The following KDELR1 variants were observed in gnomAD, a reference collection of about 807,000 sequenced individuals.
KDELR1 encodes the protein ER lumen protein-retaining receptor 1.
In KDELR1, 16 loss-of-function variants were observed where a neutral mutation model predicts 25.5. The ratio of observed to expected loss-of-function variants is 0.63; its 90% confidence interval spans 0.43 to 0.95. The LOEUF (loss-of-function observed/expected upper bound fraction) is 0.95. Among genes scored for constraint, KDELR1 ranks in the 40% least tolerant of loss-of-function variants. KDELR1 has a pLI of 0.00. For synonymous variants in KDELR1, 121 were observed against 115.0 expected (o/e 1.05, Z -0.33); for missense variants, 159 against 265.2 (o/e 0.60, Z 2.78).
chr19:48,388,412 G>A (rs181844478), intron 3 of KDELR1, among the ~76,000 whole-genome samples: 8 of 152,276 alleles, frequency 5.3e-5, no homozygotes, highest in Non-Finnish European at 1.0e-4. Context: ...GGAGCCGGGC[G>A]CGGTGGCTCA....
chr19:48,394,716 A>G (rs1419778153), upstream of KDELR1, among the ~76,000 whole-genome samples: 1 of 152,172 alleles, frequency 6.6e-6, no homozygotes, highest in Non-Finnish European at 1.5e-5. The surrounding 1 kb of genome is among the most constrained non-coding windows in gnomAD (Gnocchi z 5.1). Flanking sequence ...TGGGGGAGAG[A>G]CAGGGCAGGA....
At chr19:48,397,185 G>A in the KDELR1 span, among the ~76,000 whole-genome samples, 10 of 152,072 alleles carry the variant, frequency 6.6e-5, no homozygotes, top group African/African-American at 2.2e-4. Context: ...TGAGGGGATG[G>A]GGACAGGACT....
intron 3 of KDELR1, among the ~76,000 whole-genome samples, chr19:48,386,271 C>G (rs1243657731): frequency 6.6e-6 from 1 of 151,826 alleles, no homozygotes; most frequent in Non-Finnish European, 1.5e-5. Flanking sequence ...CTCACCACCA[C>G]GCCCTGCTAA....
Position 48,389,597 on chromosome 19 carries a change from C to T in KDELR1, c.307G>A (p.Ala103Thr), listed in dbSNP as rs1970524397. Reference sequence around the variant, plus strand: ...TGATTGACCAGGAACGCCAGAATGGCTGTGGGAACGACCAGGAACTCCACT... The same window carrying T: ...TGATTGACCAGGAACGCCAGAATGGTTGTGGGAACGACCAGGAACTCCACT... ...FRVEFLVVPT[A>T]ILAFLVNHDF... Residue 103 changes from alanine to threonine, a missense_variant, in exon 3 of 5, where the codon GCC (alanine) becomes ACC (threonine). Coordinates refer to ENST00000330720, the MANE Select transcript of KDELR1 (RefSeq NM_006801.3). 1.2e-6 allele frequency: 2 copies of T among 1,614,116 alleles called. No homozygotes were observed. Among genetic ancestry groups the T allele is most frequent in the South Asian group, 1.1e-5 (1 of 91,086 alleles).
upstream of KDELR1, among the ~76,000 whole-genome samples, chr19:48,396,225 G>A (rs1294310660): frequency 4.6e-5 from 7 of 152,106 alleles, no homozygotes; most frequent in Non-Finnish European, 8.8e-5. Context: ...TGATCCCTGA[G>A]GGCGTGGGTT....
chr19:48,386,447 ATTTT>A (rs377642574), intron 3 of KDELR1, among the ~76,000 whole-genome samples: 1 of 111,476 alleles, frequency 9.0e-6, no homozygotes. Flanking sequence ...TGCTGTTTGA[ATTTT>A]TTTTTTTTTT....
At chr19:48,390,291 GC>G (rs36034010) in intron 2 of KDELR1, 132 bp downstream of exon 2, 98,363 of 605,250 alleles carry the variant, frequency 0.16, 10,249 homozygotes, top group East Asian at 0.31. Flanking sequence ...AAGAGTCCAG[GC>G]CCCCGGCCCC....
At chr19:48,397,373 C>T in the KDELR1 span, among the ~76,000 whole-genome samples, 5 of 152,068 alleles carry the variant, frequency 3.3e-5, no homozygotes, top group East Asian at 9.6e-4. Flanking sequence ...CCTCCTGCCA[C>T]TCGCCTTCCC....
At chr19:48,385,038 C>G (rs1014598075) in intron 3 of KDELR1, among the ~76,000 whole-genome samples, 2 of 152,098 alleles carry the variant, frequency 1.3e-5, no homozygotes, top group Non-Finnish European at 2.9e-5. Flanking sequence ...AGGTGCCCAC[C>G]ACCACACCCG....
chr19:48,384,067 G>T lies in KDELR1; in HGVS notation c.604+163C>A, dbSNP rs371466324. Among the ~76,000 whole-genome samples the T allele has an allele frequency of 7.2e-5, 11 of 152,160 alleles. No homozygotes were observed. Among genetic ancestry groups the T allele is most frequent in the Admixed American group, 6.5e-4 (10 of 15,270 alleles). ...AGCCCTTAGGGAGGCAGAGGCTAAC[G>T]GTCTGAATTCCTAGGAGGATGGTAG... On this transcript the variant is annotated intron_variant, in intron 4 of 4. Coordinates refer to ENST00000330720, the MANE Select transcript of KDELR1 (RefSeq NM_006801.3). The surrounding 1 kb of genome is among the most constrained non-coding windows in gnomAD (Gnocchi z 4.6).
intron 3 of KDELR1, among the ~76,000 whole-genome samples, chr19:48,385,799 A>C (rs1229590120): frequency 4.6e-5 from 7 of 152,234 alleles, no homozygotes; most frequent in Admixed American, 4.6e-4. Flanking sequence ...CATCCAAGGC[A>C]TCGCTCCTTA....
chr19:48,396,355 G>A (rs1265647282), upstream of KDELR1, among the ~76,000 whole-genome samples: 1 of 152,002 alleles, frequency 6.6e-6, no homozygotes, highest in Non-Finnish European at 1.5e-5. Context: ...GCCCCCGTGA[G>A]AAGGGTGGGG....
At chr19:48,392,687 G>C (rs776023514), upstream of KDELR1, among the ~76,000 whole-genome samples, 8 of 152,112 alleles carry the variant, frequency 5.3e-5, no homozygotes, top group Non-Finnish European at 1.0e-4. Flanking sequence ...CCTCACCCAG[G>C]AGGCTCAAGG....
intron 1 of KDELR1, 32 bp from the exon 2 acceptor site, chr19:48,390,556 AG>A: frequency 7.6e-7 from 1 of 1,322,016 alleles, no homozygotes; most frequent in Non-Finnish European, 1.1e-6. Flanking sequence ...AGAGAGAGAG[AG>A]AGAGACAGAG....
intron 3 of KDELR1, among the ~76,000 whole-genome samples, chr19:48,386,408 C>T (rs373988980): frequency 5.4e-4 from 81 of 150,854 alleles, no homozygotes; most frequent in Non-Finnish European, 9.7e-4. Flanking sequence ...TGAGCCACTG[C>T]GCCCAGTCTT....
rs1224660343 is a variant in KDELR1, at chr19:48,384,753, T to A, written c.352-271A>T. Among the ~76,000 whole-genome samples, 1 of 152,130 alleles carries A rather than the reference T, an allele frequency of 6.6e-6. No homozygotes were observed. Among genetic ancestry groups the A allele is most frequent in the Non-Finnish European group, 1.5e-5 (1 of 68,018 alleles). Reference sequence around the variant, plus strand: ...GGTAAGATACTCGCCCAAGACCATGTAGCCAGCAAGCAGCAGAGCAATGAT... The same window carrying A: ...GGTAAGATACTCGCCCAAGACCATGAAGCCAGCAAGCAGCAGAGCAATGAT... On this transcript the variant is annotated intron_variant, in intron 3 of 4. Coordinates refer to ENST00000330720, the MANE Select transcript of KDELR1 (RefSeq NM_006801.3). This position sits in a 1 kb window ranked among gnomAD's most constrained non-coding sequence, Gnocchi z 4.6.
At chr19:48,396,245 G>C (rs917797009), upstream of KDELR1, among the ~76,000 whole-genome samples, 1 of 152,090 alleles carries the variant, frequency 6.6e-6, no homozygotes, top group African/African-American at 2.4e-5. Context: ...TCTGGGGGTT[G>C]GGCCTTCAGA....
At chr19:48,394,578 C>T (rs1433882284), upstream of KDELR1, among the ~76,000 whole-genome samples, 9 of 87,656 alleles carry the variant, frequency 1.0e-4, no homozygotes, top group South Asian at 3.6e-4. The surrounding 1 kb of genome is among the most constrained non-coding windows in gnomAD (Gnocchi z 5.1). Context: ...CCCGGGTGGG[C>T]GGAGGGGGGA....
In KDELR1 at chr19:48,384,340, T is replaced by C; in HGVS notation, c.494A>G (p.Asn165Ser). The change falls in exon 4 of 5, where the codon AAC becomes AGC. Residue 165 changes from asparagine (N) to serine (S), a missense_variant. Coordinates refer to ENST00000330720, the MANE Select transcript of KDELR1 (RefSeq NM_006801.3). The surrounding 1 kb of genome is among the most constrained non-coding windows in gnomAD (Gnocchi z 4.6). ...LGVYRTLYLF[N>S]WIWRYHFEGF... Reference sequence around the variant, plus strand: ...CTCGAAATGGTAGCGCCAGATCCAGTTGAAGAGATAGAGCGTGCGGTAAAC... The same window carrying C: ...CTCGAAATGGTAGCGCCAGATCCAGCTGAAGAGATAGAGCGTGCGGTAAAC... 6.2e-7 allele frequency: 1 copy of C among 1,614,132 alleles called. No homozygotes were observed. The highest frequency in any genetic ancestry group is 8.5e-7 in the Non-Finnish European group (1 of 1,180,026).
Sources: allele counts gnomAD v4.1 joint callset (sites outside exome capture counted in the v4.1 genomes callset), GRCh38; gene constraint gnomAD v4.1.1; non-coding constraint Gnocchi (gnomAD v3.1); transcripts MANE v1.5; gene names NCBI Gene and HGNC (gene_info 2026-07-23, HGNC 2026-07-21).